Variants in MBP observed in about 807,000 individuals in gnomAD.
MBP encodes Golli-MBP.
In MBP, 16 loss-of-function variants were observed where a neutral mutation model predicts 35.8. That is an observed-to-expected ratio of 0.45 (90% CI 0.30 to 0.68). The LOEUF is 0.68. Ranked by LOEUF, MBP falls within the 30% of genes least tolerant of loss-of-function variation. The pLI is 0.08. For synonymous variants in MBP, 143 were observed against 159.6 expected (o/e 0.90, Z 0.78); for missense variants, 380 against 404.7 (o/e 0.94, Z 0.52).
chr18:77,045,834 C>T (rs542818002), intron 3 of MBP, among the ~76,000 whole-genome samples: 6 of 152,312 alleles, frequency 3.9e-5, no homozygotes, highest in South Asian at 4.1e-4. Context: ...AAAACCTCCA[C>T]GCAACTGACA....
At chr18:77,025,175 G>A (rs562955938) in intron 3 of MBP, among the ~76,000 whole-genome samples, 12 of 152,306 alleles carry the variant, frequency 7.9e-5, no homozygotes, top group African/African-American at 2.4e-4. Context: ...AAACGCAGGC[G>A]ATCCCCCACC....
Position 77,119,840 on chromosome 18 carries a change from C to T in MBP, c.-26+12740G>A, listed in dbSNP as rs183937746. Among the ~76,000 whole-genome samples, 39 of 152,312 alleles carry T rather than the reference C, an allele frequency of 2.6e-4. No individual in the cohort carries two copies. The East Asian group carries it at 7.2e-3, about 28-fold the overall frequency. ...GGGACTCAGAGAAAGTCAAGGTGGTCGTGGCTGTGGACCAGCTCCCTTCCC... is the reference window on the plus strand; with the variant it reads ...GGGACTCAGAGAAAGTCAAGGTGGTTGTGGCTGTGGACCAGCTCCCTTCCC... On this transcript the variant is annotated intron_variant, in intron 1 of 8. Coordinates refer to ENST00000355994, the MANE Select transcript of MBP (RefSeq NM_001025101.2).
intron 2 of MBP, among the ~76,000 whole-genome samples, chr18:77,071,475 T>G (rs1470753697): frequency 2.6e-5 from 4 of 152,236 alleles, no homozygotes; most frequent in African/African-American, 9.6e-5. Flanking sequence ...TTTAGCAACC[T>G]GAAGCCATGG....
At chr18:77,022,486 T>C (rs1322071351) in intron 3 of MBP, among the ~76,000 whole-genome samples, 1 of 152,204 alleles carries the variant, frequency 6.6e-6, no homozygotes, top group Non-Finnish European at 1.5e-5. Context: ...CATTGCACTG[T>C]AGTGTTTGAA....
At position 77,017,172 on chromosome 18, in the gene MBP, T is replaced by A. The variant is rs1971696362; in HGVS notation, c.236A>T (p.Asp79Val). 6.5e-7 allele frequency: 1 copy of A among 1,546,124 alleles called. No homozygotes were observed. The highest frequency in any genetic ancestry group is 1.2e-5 in the South Asian group (1 of 80,874). The change falls in exon 4 of 9, where the codon GAT becomes GTT. Residue 79 changes from aspartate to valine, a missense_variant. Coordinates refer to ENST00000355994, the MANE Select transcript of MBP (RefSeq NM_001025101.2). ...GCTCCCTGGGTCAGCTGGGTGGGCA[T>A]CCTGCCAGGCATTCTTCGGGTCCGC... is the stretch of plus-strand genomic sequence containing the variant. The part of the protein sequence containing the change: ...RTADPKNAWQ[D>V]AHPADPGSRP...
intron 1 of MBP, chr18:77,108,702 T>C (rs1292614367): frequency 1.3e-5 from 2 of 152,372 alleles, no homozygotes; most frequent in East Asian, 3.9e-4. Context: ...TTTTTAATAA[T>C]GTACACCTAA....
intron 3 of MBP, among the ~76,000 whole-genome samples, chr18:77,059,183 T>C (rs948518720): frequency 1.3e-5 from 2 of 152,122 alleles, no homozygotes; most frequent in Non-Finnish European, 2.9e-5. Context: ...GTAGCAAACT[T>C]GAGACAACCA....
At chr18:77,024,981 G>C (rs1239987639) in intron 3 of MBP, among the ~76,000 whole-genome samples, 1 of 152,190 alleles carries the variant, frequency 6.6e-6, no homozygotes, top group South Asian at 2.1e-4. Flanking sequence ...GTGGCAGAGA[G>C]GGCATTCCTG....
In MBP at chr18:77,101,668, C is replaced by A. The variant is rs1976019293; in HGVS notation, c.51+3543G>T. ...ACTCCAGAAAAGTGTCTTTTTTTCA[C>A]CAATCAGAGACATTCCACAGTTAAC... On this transcript the variant is annotated intron_variant, in intron 2 of 8. Transcript: ENST00000355994. The surrounding 1 kb of genome is among the most constrained non-coding windows in gnomAD (Gnocchi z 4.3). 6.6e-6 allele frequency among the ~76,000 whole-genome samples: 1 copy of A among 152,208 alleles called. No homozygotes were observed. The highest frequency in any genetic ancestry group is 6.5e-5 in the Admixed American group (1 of 15,284).
intron 3 of MBP, among the ~76,000 whole-genome samples, chr18:77,051,343 T>G (rs1973481147): frequency 6.6e-6 from 1 of 152,242 alleles, no homozygotes; most frequent in South Asian, 2.1e-4. Flanking sequence ...AGCTCTCTAA[T>G]GATAAAATTA....
intron 4 of MBP, 93 bp from the exon 5 acceptor site, chr18:76,990,153 C>T: frequency 1.3e-6 from 1 of 740,998 alleles, no homozygotes; most frequent in South Asian, 1.8e-5. Context: ...CCTTTGTAAT[C>T]TGGATTTTTT....
In MBP at chr18:76,989,004, A is replaced by C; in HGVS notation, c.682-92T>G. 1 of 1,260,612 alleles carries C rather than the reference A, an allele frequency of 7.9e-7. No homozygotes were observed. Among genetic ancestry groups the C allele is most frequent in the Middle Eastern group, 1.8e-4 (1 of 5,418 alleles). The allele number at this position is 1,260,612 out of a possible 1,614,324, so 78.1% of individuals were successfully genotyped here. ...CTCCTGCCTGCTGAGGGTGGCTAGC[A>C]TCCATCAGCTGCCAGAAGCACCCGG... On this transcript the variant is annotated intron_variant, in intron 5 of 8. Transcript: ENST00000355994. This position sits in a 1 kb window ranked among gnomAD's most constrained non-coding sequence, Gnocchi z 4.0.
intron 7 of MBP, chr18:76,985,320 A>AGGTGCCGGTCCCCGGAGGCCCCGG: frequency 7.7e-7 from 1 of 1,294,658 alleles, no homozygotes; most frequent in Non-Finnish European, 1.0e-6. Flanking sequence ...TGCGCTGTGT[A>AGGTGCCGGTCCCCGGAGGCCCCGG]GGTGCCGGTC....
At chr18:77,008,191 T>C (rs1437880193) in intron 4 of MBP, among the ~76,000 whole-genome samples, 1 of 152,160 alleles carries the variant, frequency 6.6e-6, no homozygotes, top group Admixed American at 6.5e-5. Flanking sequence ...ACATCAGATA[T>C]TCCTGCACAC....
Position 76,988,379 on chromosome 18 carries a change from CG to C in MBP, c.750+115del, listed in dbSNP as rs1568266530. 1 of 1,613,054 alleles carries C rather than the reference CG, an allele frequency of 6.2e-7. No homozygotes were observed. Among genetic ancestry groups the C allele is most frequent in the South Asian group, 1.1e-5 (1 of 90,938 alleles). On this transcript the variant is annotated intron_variant, in intron 7 of 8. Coordinates refer to ENST00000355994, the MANE Select transcript of MBP (RefSeq NM_001025101.2). The surrounding 1 kb of genome is among the most constrained non-coding windows in gnomAD (Gnocchi z 5.2). ...ATCCCAGCTGTGGGCAGAGAGGTCT[CG>C]AGAGGAGAGAAAAGGAGGCCAGGAA...
intron 3 of MBP, among the ~76,000 whole-genome samples, chr18:77,023,977 G>A (rs926706348): frequency 2.6e-5 from 4 of 152,194 alleles, no homozygotes; most frequent in African/African-American, 7.2e-5. Flanking sequence ...AGCATTGAAC[G>A]TTTGCTAATA....
chr18:77,042,851 C>G (rs1973074820), intron 3 of MBP, among the ~76,000 whole-genome samples: 1 of 152,226 alleles, frequency 6.6e-6, no homozygotes, highest in African/African-American at 2.4e-5. Context: ...AAAAGCTCTT[C>G]AAGTGAGGAA....
rs1351937834 is a variant in MBP at position 76,989,544 on chromosome 18, T to C, written c.681+412A>G. Among the ~76,000 whole-genome samples the C allele has an allele frequency of 6.6e-6, 1 of 152,170 alleles. No individual in the cohort carries two copies. Among genetic ancestry groups the C allele is most frequent in the African/African-American group, 2.4e-5 (1 of 41,450 alleles). ...GTGGGTTTGGACAAGTGCGTGGTCT[T>C]CAGTCACCATGGCAGCCTCGACAGA... is the stretch of plus-strand genomic sequence containing the variant. On this transcript the variant is annotated intron_variant, in intron 5 of 8. Transcript: ENST00000355994. The surrounding 1 kb of genome is among the most constrained non-coding windows in gnomAD (Gnocchi z 4.0).
upstream of MBP, among the ~76,000 whole-genome samples, chr18:77,133,244 C>G (rs1342165738): frequency 6.6e-6 from 1 of 152,220 alleles, no homozygotes; most frequent in Admixed American, 6.5e-5. Context: ...CGAAAGGAGC[C>G]GGCAGGTCCT....
Sources: allele counts gnomAD v4.1 joint callset (sites outside exome capture counted in the v4.1 genomes callset), GRCh38; gene constraint gnomAD v4.1.1; non-coding constraint Gnocchi (gnomAD v3.1); transcripts MANE v1.5; gene names NCBI Gene and HGNC (gene_info 2026-07-23, HGNC 2026-07-21).